DOCK8: variants seen among roughly 807,000 people sequenced by gnomAD.
DOCK8 encodes dedicator of cytokinesis 8.
DOCK8 carries 141 observed loss-of-function variants against 245.6 expected under a neutral mutation model. That is an observed-to-expected ratio of 0.57 (90% confidence interval 0.50 to 0.66). The LOEUF (loss-of-function observed/expected upper bound fraction) is 0.66, where lower values mean the gene tolerates loss of function less well. DOCK8 is among the 30% of genes least tolerant of loss of function. The pLI is 0.00. For missense variants in DOCK8, 2,965 were observed against 2,603.4 expected, an observed-to-expected ratio of 1.14 and a Z score of -3.02; for synonymous variants, 1,168 against 970.2, an observed-to-expected ratio of 1.20 and a Z score of -3.79.
chr9:214,547 T>C (rs753489357), upstream of DOCK8: 43 of 1,613,570 alleles, frequency 2.7e-5, no homozygotes, highest in Non-Finnish European at 3.3e-5. Flanking sequence ...TCGCCAGCTT[T>C]GTGGGGCTCC....
At chr9:333,625 T>G (rs2051159029) in intron 10 of DOCK8, among the ~76,000 whole-genome samples, 1 of 151,862 alleles carries the variant, frequency 6.6e-6, no homozygotes, top group African/African-American at 2.4e-5. Context: ...ATAGCCTTTC[T>G]GGAATAAGAC....
At chr9:446,913 T>A (rs183818148) in intron 44 of DOCK8, among the ~76,000 whole-genome samples, 1 of 151,810 alleles carries the variant, frequency 6.6e-6, no homozygotes, top group East Asian at 1.9e-4. Context: ...ACAACAGATA[T>A]ATTTACCTTT....
chr9:441,603 C>T (rs948648259), intron 41 of DOCK8, among the ~76,000 whole-genome samples, 186 bp downstream of exon 41: 10 of 152,206 alleles, frequency 6.6e-5, no homozygotes, highest in Admixed American at 4.6e-4. Flanking sequence ...TATGTGAAAA[C>T]ATACAGCTTA....
In DOCK8 at chr9:414,894, T is replaced by C; in HGVS notation, c.3643T>C (p.Tyr1215His). The C allele has an allele frequency of 6.2e-7, 1 of 1,614,226 alleles. No homozygotes were observed. The highest frequency in any genetic ancestry group is 2.2e-5 in the East Asian group (1 of 44,888). ...PEVKVKIAAL[Y>H]LPLVGIILDA... Reference sequence around the variant, plus strand: ...GGTGAAGGTCAAAATCGCCGCCCTTTACCTACCTTTAGTTGGCATCATTTT... The same window carrying C: ...GGTGAAGGTCAAAATCGCCGCCCTTCACCTACCTTTAGTTGGCATCATTTT... The change falls in exon 29 of 48, where the codon TAC becomes CAC. Residue 1215 changes from tyrosine to histidine, a missense_variant. Coordinates refer to ENST00000432829, the MANE Select transcript of DOCK8 (RefSeq NM_203447.4).
intron 2 of DOCK8, among the ~76,000 whole-genome samples, chr9:277,626 C>T (rs2048412436): frequency 6.6e-6 from 1 of 151,602 alleles, no homozygotes; most frequent in African/African-American, 2.4e-5. Flanking sequence ...GGATTTGAGA[C>T]TGTGTAGGTG....
chr9:214,501 A>C, upstream of DOCK8: 2 of 1,611,886 alleles, frequency 1.2e-6, no homozygotes, highest in Non-Finnish European at 1.7e-6. Context: ...CCTTAATAAC[A>C]CCTAGCCTTA....
chr9:224,325 T>G (rs1563819975), intron 1 of DOCK8, among the ~76,000 whole-genome samples: 1 of 152,076 alleles, frequency 6.6e-6, no homozygotes, highest in Non-Finnish European at 1.5e-5. Context: ...AGCAGTTGAG[T>G]CGATAACATG....
chr9:232,252 G>A (rs1317236019), intron 1 of DOCK8, among the ~76,000 whole-genome samples: 2 of 152,152 alleles, frequency 1.3e-5, no homozygotes, highest in Non-Finnish European at 2.9e-5. Context: ...AAGCCCACTT[G>A]ATCATGGTGG....
chr9:364,270 A>C (rs2131147359), intron 14 of DOCK8, among the ~76,000 whole-genome samples: 1 of 152,334 alleles, frequency 6.6e-6, no homozygotes. Context: ...ACATTAGGGA[A>C]ATGGTCATAA....
At chr9:446,339 A>G in intron 43 of DOCK8, 31 bp from the exon 44 acceptor site, 2 of 1,589,318 alleles carry the variant, frequency 1.3e-6, no homozygotes, top group Non-Finnish European at 8.6e-7. Flanking sequence ...AGAATAGCTC[A>G]TCTTCTCCCT....
Position 464,272 on chromosome 9 carries a change from CT to C in DOCK8, c.*55del. ...GTGGCCCTGCAACCCTGGAGAAGGA[CT>C]TGCTGGTACTTAAAAAATGGGACAT... On this transcript the variant is annotated 3_prime_UTR_variant, in exon 48 of 48. Coordinates refer to ENST00000432829, the MANE Select transcript of DOCK8 (RefSeq NM_203447.4). 6.8e-7 allele frequency: 1 copy of C among 1,476,710 alleles called. No individual in the cohort carries two copies. The highest frequency in any genetic ancestry group is 9.5e-7 in the Non-Finnish European group (1 of 1,054,684). The allele number at this position is 1,476,710 out of a possible 1,614,324, so 91.5% of individuals were successfully genotyped here. A position where few individuals can be genotyped will look rare whatever the true frequency, so the allele number is the denominator to read the frequency against.
At chr9:260,024 G>A (rs901793240) in intron 1 of DOCK8, among the ~76,000 whole-genome samples, 1 of 152,214 alleles carries the variant, frequency 6.6e-6, no homozygotes, top group Non-Finnish European at 1.5e-5. Flanking sequence ...ACCACATATA[G>A]CCATTTTGGT....
chr9:329,524 G>A (rs1216956113), intron 9 of DOCK8, among the ~76,000 whole-genome samples: 2 of 152,146 alleles, frequency 1.3e-5, no homozygotes, highest in South Asian at 4.1e-4. Flanking sequence ...TAAGCTTATA[G>A]AAGTATAGTT....
intron 4 of DOCK8, among the ~76,000 whole-genome samples, chr9:299,788 G>A (rs941653005): frequency 6.6e-6 from 1 of 151,734 alleles, no homozygotes. Flanking sequence ...TTGGGAGGCC[G>A]AGGCAGGCAG....
chr9:441,731 A>AT, intron 41 of DOCK8, 144 bp from the exon 42 acceptor site: 4 of 1,094,414 alleles, frequency 3.7e-6, no homozygotes, highest in African/African-American at 1.6e-5. Flanking sequence ...TAAGCATTAA[A>AT]TTTTTTTAAG....
chr9:255,884 A>ATT (rs1480320011), intron 1 of DOCK8, among the ~76,000 whole-genome samples: 1 of 152,070 alleles, frequency 6.6e-6, no homozygotes, highest in Non-Finnish European at 1.5e-5. Flanking sequence ...AAGGGTTGGT[A>ATT]TTTTTATTCA....
At chr9:222,644 T>C (rs2046909611) in intron 1 of DOCK8, among the ~76,000 whole-genome samples, 1 of 152,228 alleles carries the variant, frequency 6.6e-6, no homozygotes, top group Admixed American at 6.5e-5. Context: ...GAAGTCATTC[T>C]TTAGGGATTA....
At chr9:215,384 C>T in intron 1 of DOCK8, 9 of 1,584,178 alleles carry the variant, frequency 5.7e-6, no homozygotes, top group East Asian at 2.4e-5. Flanking sequence ...GGGCGCGCCA[C>T]GGAGTGTCTC....
intron 2 of DOCK8, among the ~76,000 whole-genome samples, chr9:272,518 C>T (rs183675686): frequency 2.0e-5 from 3 of 152,052 alleles, no homozygotes; most frequent in Non-Finnish European, 2.9e-5. Context: ...CCCAAGTAGC[C>T]GGGACTACAG....
Sources: allele counts gnomAD v4.1 joint callset (sites outside exome capture counted in the v4.1 genomes callset), GRCh38; gene constraint gnomAD v4.1.1; transcripts MANE v1.5; gene names NCBI Gene and HGNC (gene_info 2026-07-23, HGNC 2026-07-21).